DPP10: variants seen among roughly 807,000 people sequenced by gnomAD.
DPP10 encodes the protein dipeptidyl peptidase like 10.
Under a neutral mutation model 120.9 loss-of-function variants are expected in DPP10, and 33 were observed. The ratio of observed to expected loss-of-function variants is 0.27; its 90% confidence interval spans 0.21 to 0.37. The LOEUF (loss-of-function observed/expected upper bound fraction) is 0.37. Ranked by LOEUF, DPP10 falls within the 10% of genes least tolerant of loss-of-function variation. The pLI, the probability that DPP10 is intolerant of heterozygous loss-of-function variation, is 1.00. For missense variants in DPP10, 816 were observed against 942.8 expected (o/e 0.87, Z 1.76); for synonymous variants, 337 against 326.1 (o/e 1.03, Z -0.36).
intron 3 of DPP10, among the ~76,000 whole-genome samples, chr2:115,445,392 G>A (rs761777909): frequency 5.9e-5 from 9 of 152,182 alleles, no homozygotes; most frequent in Non-Finnish European, 1.0e-4. Flanking sequence ...GGAAGATATG[G>A]AAAAATTTGG....
At position 114,585,757 on chromosome 2, in the gene DPP10, T is replaced by C. The variant is rs566103044; in HGVS notation, c.60+142919T>C. 5.9e-5 allele frequency among the ~76,000 whole-genome samples: 9 copies of C among 152,266 alleles called. No individual in the cohort carries two copies. The East Asian group carries it at 1.5e-3, about 26-fold the overall frequency. The stretch of plus-strand genomic sequence containing the variant: ...ATGATGGTGGCGATTACCACCAGAA[T>C]TGGATTTTCTCTCAACTTGATGTCC... On this transcript the variant is annotated intron_variant, in intron 1 of 25. Coordinates refer to ENST00000410059, the MANE Select transcript of DPP10 (RefSeq NM_020868.6).
intron 7 of DPP10, among the ~76,000 whole-genome samples, chr2:115,724,304 G>A (rs1464149878): frequency 3.3e-5 from 5 of 152,168 alleles, no homozygotes; most frequent in African/African-American, 1.2e-4. Flanking sequence ...GCTGCTAGGT[G>A]TCCAGCATCT....
chr2:115,312,286 A>G (rs979600496), intron 2 of DPP10, among the ~76,000 whole-genome samples: 4 of 152,172 alleles, frequency 2.6e-5, no homozygotes, highest in Admixed American at 1.3e-4. Flanking sequence ...AAGATTATGT[A>G]AATTGATCAA....
At chr2:115,548,010 A>G (rs2079619277) in intron 5 of DPP10, among the ~76,000 whole-genome samples, 1 of 152,160 alleles carries the variant, frequency 6.6e-6, no homozygotes, top group East Asian at 1.9e-4. Flanking sequence ...TAACTTTTGC[A>G]CAATAAAACC....
intron 1 of DPP10, among the ~76,000 whole-genome samples, chr2:115,217,889 T>C (rs535382531): frequency 6.6e-6 from 1 of 152,290 alleles, no homozygotes; most frequent in African/African-American, 2.4e-5. Context: ...AACTCCAGTA[T>C]TGCCTTATCT....
intron 7 of DPP10, among the ~76,000 whole-genome samples, chr2:115,712,540 T>TTTTATTTATATATA (rs778592374): frequency 2.8e-4 from 5 of 18,056 alleles, no homozygotes; most frequent in African/African-American, 5.8e-4. Flanking sequence ...GAGTCCTGAA[T>TTTTATTTATATATA]TAAATATATA....
At position 114,884,728 on chromosome 2, in the gene DPP10, T is replaced by C. The variant is rs78769323; in HGVS notation, c.61-424511T>C. On this transcript the variant is annotated intron_variant, in intron 1 of 25. Coordinates refer to ENST00000410059, the MANE Select transcript of DPP10 (RefSeq NM_020868.6). Reference sequence around the variant, plus strand: ...ACCCTCCTCCCACCCTTCCCCCAATTCCAAATTCCCAAAGTCTATTGTATC... The same window carrying C: ...ACCCTCCTCCCACCCTTCCCCCAATCCCAAATTCCCAAAGTCTATTGTATC... 3.1e-3 allele frequency among the ~76,000 whole-genome samples: 474 copies of C among 152,182 alleles called. 1 individual carries two copies. The highest frequency in any genetic ancestry group is 0.011 in the African/African-American group (454 of 41,524).
chr2:115,241,567 C>G (rs898892253), intron 1 of DPP10, among the ~76,000 whole-genome samples: 15 of 152,190 alleles, frequency 9.9e-5, no homozygotes, highest in African/African-American at 3.4e-4. Context: ...ATTGCTCTCT[C>G]TCTCCCCTAC....
intron 1 of DPP10, among the ~76,000 whole-genome samples, chr2:115,301,468 CTTTTTT>C (rs5833587): frequency 7.4e-6 from 1 of 135,964 alleles, no homozygotes; most frequent in Non-Finnish European, 1.6e-5. Flanking sequence ...AAGTGGGCTA[CTTTTTT>C]TTTTTTTTTT....
intron 1 of DPP10, among the ~76,000 whole-genome samples, chr2:114,800,571 A>G (rs1318340092): frequency 1.3e-5 from 2 of 152,202 alleles, no homozygotes; most frequent in Non-Finnish European, 2.9e-5. Context: ...ACAGTGTCCT[A>G]GACTGGATGT....
At chr2:114,643,640 T>C (rs1435882687) in intron 1 of DPP10, among the ~76,000 whole-genome samples, 3 of 151,888 alleles carry the variant, frequency 2.0e-5, no homozygotes, top group Non-Finnish European at 2.9e-5. Flanking sequence ...ACTCAGATTA[T>C]GATATTATTA....
At chr2:114,976,922 C>T (rs542467048) in intron 1 of DPP10, among the ~76,000 whole-genome samples, 22 of 152,070 alleles carry the variant, frequency 1.4e-4, no homozygotes, top group African/African-American at 5.3e-4. Context: ...CTTCTTTGTC[C>T]ATCTTCCATA....
chr2:114,646,704 G>C (rs938946382), intron 1 of DPP10, among the ~76,000 whole-genome samples: 1 of 152,128 alleles, frequency 6.6e-6, no homozygotes, highest in Non-Finnish European at 1.5e-5. Context: ...GGGCAGGCTG[G>C]GCACCCTTTC....
chr2:115,254,290 A>C (rs2058879495), intron 1 of DPP10, among the ~76,000 whole-genome samples: 1 of 152,180 alleles, frequency 6.6e-6, no homozygotes, highest in African/African-American at 2.4e-5. Context: ...AACCCCTTAT[A>C]AAACTGTCAG....
intron 1 of DPP10, among the ~76,000 whole-genome samples, chr2:114,527,900 T>C (rs1685637240): frequency 6.6e-6 from 1 of 152,060 alleles, no homozygotes; most frequent in African/African-American, 2.4e-5. Flanking sequence ...AGAAAAGAAA[T>C]AGTCAAAACA....
intron 5 of DPP10, among the ~76,000 whole-genome samples, chr2:115,547,140 GA>G (rs2079551467): frequency 1.3e-5 from 2 of 152,046 alleles, no homozygotes; most frequent in East Asian, 3.9e-4. Context: ...TTGCCCTACA[GA>G]AAACTCTGGG....
chr2:115,483,471 C>CTA lies in DPP10; in HGVS notation c.272-16037_272-16036dup, dbSNP rs1405731853. Among the ~76,000 whole-genome samples, 380 of 16,812 alleles carry CTA rather than the reference C, an allele frequency of 0.023. 1 individual carries two copies. In the Middle Eastern group the frequency reaches 0.28, roughly 12 times the overall value. 11.0% of individuals were successfully genotyped at this position (16,812 alleles called of 152,430 possible). On this transcript the variant is annotated intron_variant, in intron 3 of 25. Transcript: ENST00000410059. ...TCTATCTATCTATCTATCTATCTAT[C>CTA]TATCTATCTGTATGTGTATGTGTGT... is the stretch of plus-strand genomic sequence containing the variant.
intron 1 of DPP10, among the ~76,000 whole-genome samples, chr2:114,872,528 C>T (rs1200497158): frequency 6.6e-6 from 1 of 152,156 alleles, no homozygotes; most frequent in Non-Finnish European, 1.5e-5. Flanking sequence ...AATTAAGCTG[C>T]CCCTGGTGGC....
Position 115,771,998 on chromosome 2 carries a change from GT to G in DPP10, c.1221+3605del, listed in dbSNP as rs536526607. Among the ~76,000 whole-genome samples the G allele has an allele frequency of 3.8e-3, 549 of 144,668 alleles. 1 individual carries two copies. Among genetic ancestry groups the G allele is most frequent in the African/African-American group, 4.7e-3 (185 of 39,742 alleles). 94.9% of individuals were successfully genotyped at this position (144,668 alleles called of 152,430 possible). Reference sequence around the variant, plus strand: ...GCGGTCACTACATATATTTTAGTGGGTTTTTTTTTTTCCTCATTTACAAGAG... The same window carrying G: ...GCGGTCACTACATATATTTTAGTGGGTTTTTTTTTTCCTCATTTACAAGAG... On this transcript the variant is annotated intron_variant, in intron 13 of 25. Coordinates refer to ENST00000410059, the MANE Select transcript of DPP10 (RefSeq NM_020868.6).
Sources: allele counts gnomAD v4.1 joint callset (sites outside exome capture counted in the v4.1 genomes callset), GRCh38; gene constraint gnomAD v4.1.1; transcripts MANE v1.5; gene names NCBI Gene and HGNC (gene_info 2026-07-23, HGNC 2026-07-21).